IGFL4: variants seen among roughly 807,000 people sequenced by gnomAD.
The protein encoded by IGFL4 is IGF like family member 4.
A neutral mutation model predicts 15.4 loss-of-function variants in IGFL4; 12 were observed. That is an observed-to-expected ratio of 0.78 (90% CI 0.50 to 1.26). IGFL4 has a LOEUF of 1.26. Ranked by LOEUF, IGFL4 falls within the 50% of genes most tolerant of loss-of-function variation. The probability of loss-of-function intolerance (pLI) is 0.00; values close to 1 mark genes in which losing one functional copy is unlikely to be tolerated. For missense variants in IGFL4, 126 were observed against 147.8 expected, an observed-to-expected ratio of 0.85 and a Z score of 0.76; for synonymous variants, 54 against 55.9, an observed-to-expected ratio of 0.97 and a Z score of 0.16.
intron 1 of IGFL4, among the ~76,000 whole-genome samples, chr19:46,076,177 G>A (rs1969593792): frequency 6.6e-6 from 1 of 152,120 alleles, no homozygotes; most frequent in Admixed American, 6.6e-5. Context: ...CACTCATGAG[G>A]GAGGAGCCTT....
At chr19:46,064,059 G>A (rs1253449244) in intron 1 of IGFL4, among the ~76,000 whole-genome samples, 1 of 139,234 alleles carries the variant, frequency 7.2e-6, no homozygotes, top group East Asian at 2.0e-4. Flanking sequence ...GTGACAGAAC[G>A]AGACTCCACC....
In IGFL4 at chr19:46,040,083, G is replaced by A. The variant is rs1764996171; in HGVS notation, c.330+74C>T. On this transcript the variant is annotated intron_variant, in intron 3 of 3. Coordinates refer to ENST00000377697, the MANE Select transcript of IGFL4 (RefSeq NM_001002923.3). This position sits in a 1 kb window ranked among gnomAD's most constrained non-coding sequence, Gnocchi z 4.1. ...GGAACCCAGCAGAGACTGCACATCT[G>A]GGTGGGACATGGACAACCAAGCTCC... The A allele has an allele frequency of 6.4e-7, 1 of 1,573,382 alleles. No individual in the cohort carries two copies. The highest frequency in any genetic ancestry group is 8.7e-7 in the Non-Finnish European group (1 of 1,145,508).
intron 2 of IGFL4, among the ~76,000 whole-genome samples, chr19:46,054,710 C>T (rs754252681): frequency 6.6e-6 from 1 of 152,080 alleles, no homozygotes; most frequent in Non-Finnish European, 1.5e-5. Context: ...GACCTAATAC[C>T]TAAAAAATTG....
upstream of IGFL4, among the ~76,000 whole-genome samples, chr19:46,044,450 A>G (rs919887253): frequency 6.6e-6 from 1 of 152,170 alleles, no homozygotes; most frequent in Non-Finnish European, 1.5e-5. Context: ...TTGGAATTCC[A>G]GCCAGCCAAC....
At chr19:46,041,797 A>G (rs1260558924), upstream of IGFL4, among the ~76,000 whole-genome samples, 4 of 149,082 alleles carry the variant, frequency 2.7e-5, no homozygotes, top group African/African-American at 7.4e-5. Flanking sequence ...CATTGTTAGT[A>G]TAGACTCTCT....
intron 1 of IGFL4, among the ~76,000 whole-genome samples, chr19:46,074,864 C>T (rs994936335): frequency 6.6e-6 from 1 of 152,172 alleles, no homozygotes; most frequent in African/African-American, 2.4e-5. Context: ...TTAACCATTA[C>T]AGAAGCCAAG....
At chr19:46,056,729 A>G (rs976851655) in intron 2 of IGFL4, among the ~76,000 whole-genome samples, 5 of 152,262 alleles carry the variant, frequency 3.3e-5, no homozygotes, top group Non-Finnish European at 7.3e-5. Flanking sequence ...CGTCCAGGCA[A>G]GTCCTCCCTT....
In IGFL4 at chr19:46,040,391, T is replaced by C. The variant is rs113478925; in HGVS notation, c.96A>G (p.Pro32=). 1 of 1,614,202 alleles carries C rather than the reference T, an allele frequency of 6.2e-7. No homozygotes were observed. Residue 32 remains proline (P), a synonymous_variant, in exon 3 of 4, where the codon CCA becomes CCG. Coordinates refer to ENST00000377697, the MANE Select transcript of IGFL4 (RefSeq NM_001002923.3). The surrounding 1 kb of genome is among the most constrained non-coding windows in gnomAD (Gnocchi z 4.1). ...VTDLRLWLCQ[P]APRCGEWTYN... Reference sequence around the variant, plus strand: ...AGGTCCACTCCCCGCACCTGGGCGCTGGCTGGCATAGCCACAGTCTAAGAT... The same window carrying C: ...AGGTCCACTCCCCGCACCTGGGCGCCGGCTGGCATAGCCACAGTCTAAGAT...
chr19:46,061,976 C>T (rs950947404), intron 1 of IGFL4, among the ~76,000 whole-genome samples: 18 of 152,214 alleles, frequency 1.2e-4, no homozygotes, highest in Middle Eastern at 3.4e-3. Flanking sequence ...TAACACAATG[C>T]GAAACAGAAC....
intron 2 of IGFL4, among the ~76,000 whole-genome samples, chr19:46,047,717 A>G (rs766499071): frequency 6.6e-6 from 1 of 152,174 alleles, no homozygotes; most frequent in Non-Finnish European, 1.5e-5. Context: ...CCAAGACTAA[A>G]CCAAGAAGAA....
intron 2 of IGFL4, chr19:46,060,178 T>C (rs1969431427): frequency 6.6e-6 from 1 of 152,236 alleles, no homozygotes. Flanking sequence ...AAGTTAAGAA[T>C]ACTCACAAAT....
intron 1 of IGFL4, among the ~76,000 whole-genome samples, chr19:46,061,837 C>T (rs758875393): frequency 9.2e-5 from 14 of 152,092 alleles, no homozygotes; most frequent in East Asian, 3.8e-4. Context: ...AAAAGCAAAG[C>T]GCCATATATT....
chr19:46,041,726 G>A (rs1969245397), upstream of IGFL4, among the ~76,000 whole-genome samples: 1 of 151,868 alleles, frequency 6.6e-6, no homozygotes, highest in Non-Finnish European at 1.5e-5. Flanking sequence ...CTGTGTCACA[G>A]TGAGAAGGGT....
intron 2 of IGFL4, among the ~76,000 whole-genome samples, chr19:46,056,865 AAGG>A (rs1969397969): frequency 6.6e-6 from 1 of 152,162 alleles, no homozygotes; most frequent in Non-Finnish European, 1.5e-5. Flanking sequence ...GATCTCACCG[AAGG>A]AGGACACAAA....
At chr19:46,041,071 C>T (rs931214807), upstream of IGFL4, 2 of 999,032 alleles carry the variant, frequency 2.0e-6, no homozygotes, top group Non-Finnish European at 2.9e-6. Flanking sequence ...GGGAGGTGTG[C>T]AGAAGGAGTG....
intron 2 of IGFL4, among the ~76,000 whole-genome samples, chr19:46,056,863 C>T (rs774063920): frequency 1.3e-5 from 2 of 152,184 alleles, no homozygotes; most frequent in Non-Finnish European, 2.9e-5. Flanking sequence ...AGGATCTCAC[C>T]GAAGGAGGAC....
intron 2 of IGFL4, among the ~76,000 whole-genome samples, chr19:46,054,957 G>A (rs919374092): frequency 6.6e-6 from 1 of 152,154 alleles, no homozygotes; most frequent in South Asian, 2.1e-4. Context: ...TCATCCTTCA[G>A]TATGGGTATT....
chr19:46,071,549 G>A (rs1252409444), intron 1 of IGFL4, among the ~76,000 whole-genome samples: 1 of 152,226 alleles, frequency 6.6e-6, no homozygotes, highest in Non-Finnish European at 1.5e-5. Flanking sequence ...GACAAAGACA[G>A]TAGTGACTTG....
intron 1 of IGFL4, among the ~76,000 whole-genome samples, chr19:46,071,156 C>A (rs1415466389): frequency 6.8e-6 from 1 of 146,434 alleles, no homozygotes; most frequent in Non-Finnish European, 1.5e-5. Context: ...TTCTTTTTTT[C>A]TCTGCCTATG....
Sources: gnomAD v4.1 joint callset for allele counts (sites outside exome capture counted in the v4.1 genomes callset) on GRCh38, gnomAD v4.1.1 for gene constraint, Gnocchi (gnomAD v3.1) non-coding constraint, MANE v1.5 for transcripts, NCBI Gene and HGNC (gene_info 2026-07-23, HGNC 2026-07-21) for gene names.